The following ASIC2 variants were observed in gnomAD, a reference collection of about 807,000 sequenced individuals.
The protein encoded by ASIC2 is acid sensing ion channel subunit 2, also known as acid-sensing ion channel 2.
A neutral mutation model predicts 57.3 loss-of-function variants in ASIC2; 25 were observed. That is an observed-to-expected ratio of 0.44 (90% CI 0.32 to 0.61). The LOEUF is 0.61. ASIC2 is among the 20% of genes least tolerant of loss of function. The pLI, the probability that ASIC2 is intolerant of heterozygous loss-of-function variation, is 0.06. For missense variants in ASIC2, 641 were observed against 738.1 expected, an observed-to-expected ratio of 0.87 and a Z score of 1.52; for synonymous variants, 319 against 307.5, an observed-to-expected ratio of 1.04 and a Z score of -0.39.
At chr17:33,847,857 A>T (rs1913654532) in intron 1 of ASIC2, among the ~76,000 whole-genome samples, 1 of 152,194 alleles carries the variant, frequency 6.6e-6, no homozygotes, top group African/African-American at 2.4e-5. Context: ...ATCAAGTGTT[A>T]GGCAGGCAAG....
chr17:33,291,245 A>C (rs1905424677), intron 1 of ASIC2, 163 bp downstream of exon 1: 4 of 1,385,810 alleles, frequency 2.9e-6, no homozygotes, highest in South Asian at 1.7e-5. Context: ...CACAACCTGC[A>C]GGAGAAGACT....
intron 1 of ASIC2, among the ~76,000 whole-genome samples, chr17:33,475,715 G>A (rs538970302): frequency 1.1e-4 from 17 of 152,262 alleles, no homozygotes; most frequent in African/African-American, 3.6e-4. Flanking sequence ...GTGTAACAGC[G>A]TGGCTGCTCG....
At chr17:34,112,521 A>T (rs899424731) in intron 1 of ASIC2, among the ~76,000 whole-genome samples, 4 of 152,044 alleles carry the variant, frequency 2.6e-5, no homozygotes, top group Non-Finnish European at 5.9e-5. Flanking sequence ...CAGGGCAGCC[A>T]AGGGAGATGG....
chr17:33,910,026 T>C (rs1348782346), intron 1 of ASIC2, among the ~76,000 whole-genome samples: 1 of 152,118 alleles, frequency 6.6e-6, no homozygotes, highest in Non-Finnish European at 1.5e-5. Flanking sequence ...AGCACCACCC[T>C]CGTTGAATTG....
intron 1 of ASIC2, chr17:34,000,900 C>G (rs1906318051): frequency 6.6e-6 from 1 of 152,110 alleles, no homozygotes; most frequent in South Asian, 2.1e-4. Context: ...TGTTTCTCAG[C>G]TCCAGAATTT....
At chr17:33,277,648 A>G (rs890222321) in intron 1 of ASIC2, among the ~76,000 whole-genome samples, 1 of 152,194 alleles carries the variant, frequency 6.6e-6, no homozygotes, top group African/African-American at 2.4e-5. Flanking sequence ...AAGATTAATC[A>G]GCAGAGGAAT....
intron 1 of ASIC2, among the ~76,000 whole-genome samples, chr17:33,999,232 A>C (rs1388113036): frequency 6.6e-6 from 1 of 152,060 alleles, no homozygotes; most frequent in Non-Finnish European, 1.5e-5. Context: ...CTGTCCCTTG[A>C]ATTTCAGCCT....
chr17:33,511,062 C>T (rs1914416593), intron 1 of ASIC2, among the ~76,000 whole-genome samples: 3 of 152,178 alleles, frequency 2.0e-5, no homozygotes, highest in South Asian at 4.1e-4. Flanking sequence ...CTTTTTCAAG[C>T]TACTGCACCC....
At chr17:34,120,743 T>C (rs75858758) in intron 1 of ASIC2, among the ~76,000 whole-genome samples, 1 of 125,116 alleles carries the variant, frequency 8.0e-6, no homozygotes, top group Admixed American at 7.7e-5. Flanking sequence ...TTTTTTCTTT[T>C]TTTTTTTTTT....
chr17:34,002,538 T>C (rs973880744), intron 1 of ASIC2: 1 of 152,210 alleles, frequency 6.6e-6, no homozygotes, highest in East Asian at 1.9e-4. Flanking sequence ...TCAGAACCAC[T>C]AGCACCAGCA....
chr17:33,386,119 T>C (rs1167915794), intron 1 of ASIC2, among the ~76,000 whole-genome samples: 3 of 152,212 alleles, frequency 2.0e-5, no homozygotes, highest in Admixed American at 6.5e-5. Flanking sequence ...CAAGGAGATG[T>C]TTGCCAAACT....
intron 1 of ASIC2, among the ~76,000 whole-genome samples, chr17:33,571,724 C>T (rs1199830667): frequency 2.0e-5 from 3 of 152,306 alleles, no homozygotes; most frequent in East Asian, 3.9e-4. Context: ...TTTGATAAGA[C>T]AAAACTTGAA....
chr17:34,098,828 T>A (rs978098447), intron 1 of ASIC2, among the ~76,000 whole-genome samples: 1 of 152,146 alleles, frequency 6.6e-6, no homozygotes, highest in Admixed American at 6.5e-5. Flanking sequence ...AGAAGTGATT[T>A]CTGGGAATGC....
chr17:33,754,257 A>T (rs1162833277), intron 1 of ASIC2, among the ~76,000 whole-genome samples: 1 of 151,978 alleles, frequency 6.6e-6, no homozygotes, highest in Admixed American at 6.5e-5. Flanking sequence ...ATCAGGGATG[A>T]TGGTGGGGGG....
chr17:33,593,231 T>A (rs1251365211), intron 1 of ASIC2, among the ~76,000 whole-genome samples: 1 of 152,222 alleles, frequency 6.6e-6, no homozygotes, highest in Non-Finnish European at 1.5e-5. Context: ...AGCTGTGATG[T>A]CCATGGAACA....
intron 1 of ASIC2, among the ~76,000 whole-genome samples, chr17:33,405,144 A>C (rs948960821): frequency 6.6e-6 from 1 of 152,002 alleles, no homozygotes; most frequent in Admixed American, 6.5e-5. Flanking sequence ...TCATTCATTC[A>C]ATTATCAAAT....
intron 1 of ASIC2, among the ~76,000 whole-genome samples, chr17:34,050,002 A>T (rs1333410296): frequency 6.6e-6 from 1 of 152,236 alleles, no homozygotes; most frequent in Non-Finnish European, 1.5e-5. Context: ...GCACATGGAA[A>T]ATGTTTGAAA....
chr17:33,332,814 C>A (rs1255970234), intron 1 of ASIC2, among the ~76,000 whole-genome samples: 1 of 152,142 alleles, frequency 6.6e-6, no homozygotes, highest in Non-Finnish European at 1.5e-5. Flanking sequence ...TCACTTGAAC[C>A]CAGGAGGTGG....
intron 1 of ASIC2, among the ~76,000 whole-genome samples, chr17:33,978,282 G>A (rs1272076302): frequency 1.3e-5 from 2 of 152,164 alleles, no homozygotes; most frequent in Non-Finnish European, 2.9e-5. Context: ...GCAGAGAGAG[G>A]AGCTATTTGC....
Sources: gnomAD v4.1 joint callset for allele counts (sites outside exome capture counted in the v4.1 genomes callset) on GRCh38, gnomAD v4.1.1 for gene constraint, MANE v1.5 for transcripts, NCBI Gene and HGNC (gene_info 2026-07-23, HGNC 2026-07-21) for gene names.